Variants in TAFA5 observed in about 807,000 individuals in gnomAD.
The protein encoded by TAFA5 is TAFA chemokine like family member 5.
TAFA5 carries 6 observed loss-of-function variants against 15.3 expected under a neutral mutation model. The observed-to-expected ratio is 0.39, with a 90% CI of 0.21 to 0.77. The LOEUF (loss-of-function observed/expected upper bound fraction) is 0.77, where lower values mean the gene tolerates loss of function less well. TAFA5 is among the 30% of genes least tolerant of loss of function. The pLI is 0.41. For missense variants in TAFA5, 161 were observed against 193.1 expected (o/e 0.83, Z 0.98); for synonymous variants, 103 against 80.7 (o/e 1.28, Z -1.48).
At chr22:48,706,651 T>C (rs940174948) in intron 2 of TAFA5, among the ~76,000 whole-genome samples, 3 of 152,260 alleles carry the variant, frequency 2.0e-5, no homozygotes, top group Non-Finnish European at 4.4e-5. Flanking sequence ...AACCTTGAAC[T>C]AAAATACTGC....
chr22:48,535,108 G>A (rs1922109838), intron 1 of TAFA5, among the ~76,000 whole-genome samples: 1 of 152,130 alleles, frequency 6.6e-6, no homozygotes, highest in African/African-American at 2.4e-5. Flanking sequence ...CTCACCCTGG[G>A]ATCCCAGCCC....
At chr22:48,616,599 C>T (rs1343487060) in intron 1 of TAFA5, among the ~76,000 whole-genome samples, 1 of 97,342 alleles carries the variant, frequency 1.0e-5, no homozygotes, top group Non-Finnish European at 2.5e-5. Flanking sequence ...TGGCATTTTG[C>T]CTGCGCATGG....
rs1569056510 is a variant in TAFA5 at position 48,633,506 on chromosome 22, CTG to C, written c.113-13089_113-13088del. Among the ~76,000 whole-genome samples the C allele has an allele frequency of 6.7e-4, 46 of 68,680 alleles. 1 individual carries two copies. Among genetic ancestry groups the C allele is most frequent in the African/African-American group, 2.8e-3 (39 of 13,796 alleles). 45.1% of individuals were successfully genotyped at this position (68,680 alleles called of 152,430 possible). On this transcript the variant is annotated intron_variant, in intron 1 of 3. Coordinates refer to ENST00000402357, the MANE Select transcript of TAFA5 (RefSeq NM_001082967.3). The stretch of plus-strand genomic sequence containing the variant: ...CCTGCTTTGCTCTGTGTCTGTCTGT[CTG>C]TCTGTCTGTCTGTCTGTCTGTCTGT...
At chr22:48,563,695 C>T (rs557562684) in intron 1 of TAFA5, among the ~76,000 whole-genome samples, 4 of 152,342 alleles carry the variant, frequency 2.6e-5, no homozygotes, top group Admixed American at 1.3e-4. Context: ...GCAATGGTCA[C>T]GGTGCCTGTT....
chr22:48,708,203 C>T (rs554484506), intron 3 of TAFA5, among the ~76,000 whole-genome samples: 15 of 152,296 alleles, frequency 9.8e-5, no homozygotes, highest in African/African-American at 3.4e-4. Flanking sequence ...AGGCATCCGC[C>T]CCTCCTGAAG....
At chr22:48,582,179 C>G (rs1402391605) in intron 1 of TAFA5, among the ~76,000 whole-genome samples, 1 of 151,938 alleles carries the variant, frequency 6.6e-6, no homozygotes, top group Non-Finnish European at 1.5e-5. Context: ...TGCGGTGCCC[C>G]CCAACAGAGA....
chr22:48,498,689 C>T (rs5768681), intron 1 of TAFA5, among the ~76,000 whole-genome samples: 61,259 of 151,908 alleles, frequency 0.4, 13,618 homozygotes, highest in African/African-American at 0.58. Context: ...CTGTACATGG[C>T]GGGGCTTTGC....
At chr22:48,623,306 T>A (rs1925911088) in intron 1 of TAFA5, among the ~76,000 whole-genome samples, 1 of 113,104 alleles carries the variant, frequency 8.8e-6, no homozygotes, top group African/African-American at 3.5e-5. Flanking sequence ...CGCGGTGACC[T>A]GTGGGACGGG....
chr22:48,631,850 G>A lies in TAFA5; in HGVS notation c.113-14747G>A, dbSNP rs368550171. 2.1e-4 allele frequency among the ~76,000 whole-genome samples: 32 copies of A among 152,254 alleles called. No individual in the cohort carries two copies. The East Asian group carries it at 4.3e-3, about 20-fold the overall frequency. On this transcript the variant is annotated intron_variant, in intron 1 of 3. Coordinates refer to ENST00000402357, the MANE Select transcript of TAFA5 (RefSeq NM_001082967.3). ...GGGGCCTAGGGGGCAGCTGGGATGC[G>A]GCCTGGTCTAAAGGCAACTTCTCAG...
At chr22:48,698,785 T>TA (rs1928808899) in intron 2 of TAFA5, among the ~76,000 whole-genome samples, 1 of 73,594 alleles carries the variant, frequency 1.4e-5, no homozygotes, top group African/African-American at 6.9e-5. Context: ...GTCTGGGCTC[T>TA]ACAGGCCCCG....
intron 1 of TAFA5, among the ~76,000 whole-genome samples, chr22:48,526,415 C>T (rs909678388): frequency 6.6e-6 from 1 of 152,230 alleles, no homozygotes; most frequent in South Asian, 2.1e-4. Flanking sequence ...GTCAAGTCTT[C>T]CAGGAGCTGT....
intron 1 of TAFA5, among the ~76,000 whole-genome samples, chr22:48,613,663 G>A (rs1255945989): frequency 2.0e-5 from 3 of 152,210 alleles, no homozygotes; most frequent in African/African-American, 7.2e-5. Flanking sequence ...TGAGGCTCCA[G>A]TCCGCAGTGT....
chr22:48,553,405 G>T (rs1045181813), intron 1 of TAFA5, among the ~76,000 whole-genome samples: 1 of 152,186 alleles, frequency 6.6e-6, no homozygotes, highest in African/African-American at 2.4e-5. Context: ...GGAGGCGCCC[G>T]GGCCAGAGGG....
At chr22:48,653,562 G>A (rs113721842) in intron 2 of TAFA5, among the ~76,000 whole-genome samples, 14 of 152,218 alleles carry the variant, frequency 9.2e-5, no homozygotes, top group African/African-American at 3.4e-4. Context: ...TAAAGGCCAA[G>A]CACTTTGCTT....
At chr22:48,631,191 C>A (rs921433950) in intron 1 of TAFA5, among the ~76,000 whole-genome samples, 1 of 152,186 alleles carries the variant, frequency 6.6e-6, no homozygotes, top group African/African-American at 2.4e-5. Flanking sequence ...AGGCAGGGGG[C>A]CCTTGGTGTG....
At position 48,662,595 on chromosome 22, in the gene TAFA5, C is replaced by T. The variant is rs1927482026; in HGVS notation, c.262+15849C>T. On this transcript the variant is annotated intron_variant, in intron 2 of 3. Transcript: ENST00000402357. Reference sequence around the variant, plus strand: ...ATGTGCAGCGATGCTCTGTGTCCACCCCAGGAGGCCCCAGGCACACGTGGA... The same window carrying T: ...ATGTGCAGCGATGCTCTGTGTCCACTCCAGGAGGCCCCAGGCACACGTGGA... Among the ~76,000 whole-genome samples the T allele has an allele frequency of 2.0e-5, 3 of 152,166 alleles. No homozygotes were observed. In the South Asian group the frequency reaches 6.2e-4, roughly 32 times the overall value.
At chr22:48,658,599 C>T (rs1927328834) in intron 2 of TAFA5, among the ~76,000 whole-genome samples, 2 of 152,208 alleles carry the variant, frequency 1.3e-5, no homozygotes, top group African/African-American at 4.8e-5. Context: ...GTACAAACAC[C>T]CACCCAGGGC....
chr22:48,583,303 ACACACAC>A (rs898321161), intron 1 of TAFA5, among the ~76,000 whole-genome samples: 1 of 149,352 alleles, frequency 6.7e-6, no homozygotes, highest in Non-Finnish European at 1.5e-5. Flanking sequence ...CACACACCAC[ACACACAC>A]CACACACTAT....
At chr22:48,574,319 G>A (rs1009022223) in intron 1 of TAFA5, among the ~76,000 whole-genome samples, 2 of 152,146 alleles carry the variant, frequency 1.3e-5, no homozygotes, top group Non-Finnish European at 1.5e-5. Flanking sequence ...AGCCAGAGGT[G>A]AAGAACTGCT....
Sources: gnomAD v4.1 joint callset for allele counts (sites outside exome capture counted in the v4.1 genomes callset) on GRCh38, gnomAD v4.1.1 for gene constraint, MANE v1.5 for transcripts, NCBI Gene and HGNC (gene_info 2026-07-23, HGNC 2026-07-21) for gene names.